GABBR2: variants seen among roughly 807,000 people sequenced by gnomAD.
GABBR2 encodes the protein gamma-aminobutyric acid type B receptor subunit 2.
GABBR2 carries 23 observed loss-of-function variants against 105.6 expected under a neutral mutation model. The ratio of observed to expected loss-of-function variants is 0.22; its 90% CI spans 0.16 to 0.31. GABBR2 has a LOEUF of 0.31. GABBR2 is among the 10% of genes least tolerant of loss of function. The probability of loss-of-function intolerance (pLI) is 1.00; values close to 1 mark genes in which losing one functional copy is unlikely to be tolerated. For synonymous variants in GABBR2, 478 were observed against 499.7 expected, an observed-to-expected ratio of 0.96 and a Z score of 0.58; for missense variants, 734 against 1,245.5, an observed-to-expected ratio of 0.59 and a Z score of 6.18.
chr9:98,463,568 CA>C (rs1826464326), intron 6 of GABBR2, among the ~76,000 whole-genome samples: 1 of 147,744 alleles, frequency 6.8e-6, no homozygotes, highest in East Asian at 2.5e-4. Context: ...AGTTTAGAAA[CA>C]GAGCTCTCCC....
At chr9:98,405,408 G>A (rs1832472181) in intron 8 of GABBR2, among the ~76,000 whole-genome samples, 1 of 152,076 alleles carries the variant, frequency 6.6e-6, no homozygotes, top group Non-Finnish European at 1.5e-5. Flanking sequence ...TCCAGCCAGG[G>A]CAACATACTG....
chr9:98,695,750 AC>A (rs1260611399), intron 1 of GABBR2, among the ~76,000 whole-genome samples: 1 of 152,200 alleles, frequency 6.6e-6, no homozygotes, highest in Non-Finnish European at 1.5e-5. Context: ...CATCTCACGG[AC>A]AAGGACTCTG....
intron 1 of GABBR2, among the ~76,000 whole-genome samples, chr9:98,639,372 T>C (rs1829927050): frequency 6.6e-6 from 1 of 152,146 alleles, no homozygotes; most frequent in Non-Finnish European, 1.5e-5. Context: ...CCTTGCATGT[T>C]TGGGTTGACC....
chr9:98,429,349 C>T (rs963718271), intron 7 of GABBR2, among the ~76,000 whole-genome samples: 1 of 152,048 alleles, frequency 6.6e-6, no homozygotes, highest in African/African-American at 2.4e-5. Context: ...CCATGCTGGC[C>T]AGGCTGGTCT....
intron 1 of GABBR2, among the ~76,000 whole-genome samples, chr9:98,630,733 G>A (rs1264857140): frequency 1.3e-5 from 2 of 152,090 alleles, no homozygotes; most frequent in African/African-American, 4.8e-5. Flanking sequence ...AGTGTGAGAG[G>A]CCTCAAGTCT....
intron 7 of GABBR2, among the ~76,000 whole-genome samples, chr9:98,424,036 G>A (rs1832830670): frequency 6.6e-6 from 1 of 152,142 alleles, no homozygotes; most frequent in African/African-American, 2.4e-5. Context: ...TTGTAGTATA[G>A]TTTGAAGTCA....
intron 1 of GABBR2, among the ~76,000 whole-genome samples, chr9:98,694,158 G>A (rs1830719315): frequency 6.6e-6 from 1 of 152,246 alleles, no homozygotes; most frequent in Non-Finnish European, 1.5e-5. Flanking sequence ...CAGTGGACTG[G>A]CCCAGTCTGG....
intron 1 of GABBR2, among the ~76,000 whole-genome samples, chr9:98,601,026 T>C (rs1829323750): frequency 6.6e-6 from 1 of 152,220 alleles, no homozygotes; most frequent in Admixed American, 6.5e-5. Context: ...TGTCACTTTC[T>C]GCTCCAAATC....
chr9:98,635,634 T>C (rs1025178666), intron 1 of GABBR2, among the ~76,000 whole-genome samples: 2 of 152,246 alleles, frequency 1.3e-5, no homozygotes, highest in South Asian at 2.1e-4. Context: ...GAGGTGTCTG[T>C]AGGTTGGGTC....
chr9:98,570,979 G>A (rs1448771863), intron 2 of GABBR2, among the ~76,000 whole-genome samples: 1 of 152,228 alleles, frequency 6.6e-6, no homozygotes. Flanking sequence ...CCTGAGCACT[G>A]CTCTGGCATC....
chr9:98,607,324 G>T, intron 1 of GABBR2: 2 of 778,830 alleles, frequency 2.6e-6, no homozygotes, highest in South Asian at 1.4e-5. Context: ...ATACTTCATT[G>T]CTCCTTCAGG....
At chr9:98,618,477 G>T (rs1169897890) in intron 1 of GABBR2, among the ~76,000 whole-genome samples, 1 of 137,394 alleles carries the variant, frequency 7.3e-6, no homozygotes, top group Non-Finnish European at 1.5e-5. Context: ...AAAAAAAAAG[G>T]TCTGCTGCAT....
chr9:98,440,944 G>A (rs1024082158), intron 7 of GABBR2, among the ~76,000 whole-genome samples: 1 of 152,118 alleles, frequency 6.6e-6, no homozygotes, highest in African/African-American at 2.4e-5. Context: ...GGAGATTCTG[G>A]TCTCACACCA....
intron 13 of GABBR2, among the ~76,000 whole-genome samples, chr9:98,345,347 C>T (rs559060265): frequency 1.3e-5 from 2 of 152,354 alleles, no homozygotes; most frequent in South Asian, 4.1e-4. Context: ...TCTTAGCACA[C>T]AAGATCCCTA....
At chr9:98,586,125 A>G (rs1829071614) in intron 1 of GABBR2, among the ~76,000 whole-genome samples, 1 of 152,140 alleles carries the variant, frequency 6.6e-6, no homozygotes, top group Non-Finnish European at 1.5e-5. Flanking sequence ...CATATACAAT[A>G]ACTTAAGTAT....
intron 13 of GABBR2, among the ~76,000 whole-genome samples, chr9:98,346,836 C>A (rs183263871): frequency 1.4e-3 from 213 of 152,120 alleles, no homozygotes; most frequent in Admixed American, 1.6e-3. Context: ...TGGTATTTAT[C>A]TTTCTGTGCC....
intron 1 of GABBR2, among the ~76,000 whole-genome samples, chr9:98,593,654 C>T (rs1047864599): frequency 2.0e-5 from 3 of 152,294 alleles, no homozygotes; most frequent in Non-Finnish European, 2.9e-5. Flanking sequence ...TACCGACTTT[C>T]CCTTGGGAGC....
chr9:98,508,692 G>T (rs1827567361), intron 3 of GABBR2, among the ~76,000 whole-genome samples: 1 of 152,230 alleles, frequency 6.6e-6, no homozygotes, highest in Non-Finnish European at 1.5e-5. Flanking sequence ...AGATCAAGCT[G>T]CAAGGCAACA....
intron 3 of GABBR2, among the ~76,000 whole-genome samples, chr9:98,498,078 TACA>T (rs1827319942): frequency 6.6e-6 from 1 of 152,220 alleles, no homozygotes; most frequent in Non-Finnish European, 1.5e-5. Context: ...TGACACATGC[TACA>T]ACATGGATGA....
Sources: gnomAD v4.1 joint callset for allele counts (sites outside exome capture counted in the v4.1 genomes callset) on GRCh38, gnomAD v4.1.1 for gene constraint, MANE v1.5 for transcripts, NCBI Gene and HGNC (gene_info 2026-07-23, HGNC 2026-07-21) for gene names.